The following PAK1IP1 variants were observed in gnomAD, a reference collection of about 807,000 sequenced individuals.
PAK1IP1 encodes p21-activated protein kinase-interacting protein 1.
Under a neutral mutation model 42.0 loss-of-function variants are expected in PAK1IP1, and 24 were observed. The observed-to-expected ratio is 0.57, with a 90% CI of 0.41 to 0.80. The LOEUF (loss-of-function observed/expected upper bound fraction) is 0.80, where lower values mean the gene tolerates loss of function less well. Ranked by LOEUF, PAK1IP1 falls within the 30% of genes least tolerant of loss-of-function variation. The pLI is 0.00. For missense variants in PAK1IP1, 411 were observed against 467.9 expected, an observed-to-expected ratio of 0.88 and a Z score of 1.12; for synonymous variants, 154 against 156.7, an observed-to-expected ratio of 0.98 and a Z score of 0.13.
intron 4 of PAK1IP1, among the ~76,000 whole-genome samples, chr6:10,703,063 C>T (rs1770086309): frequency 6.6e-6 from 1 of 152,158 alleles, no homozygotes. Context: ...CCTCAGCCTC[C>T]GAAAGTGCTG....
chr6:10,702,250 A>G, intron 2 of PAK1IP1, 119 bp from the exon 3 acceptor site: 2 of 826,804 alleles, frequency 2.4e-6, no homozygotes, highest in Non-Finnish European at 3.7e-6. Context: ...CAAAAAAAAA[A>G]AAAAGAAAAA....
upstream of PAK1IP1, among the ~76,000 whole-genome samples, chr6:10,691,412 T>G (rs777613173): frequency 2.6e-5 from 4 of 151,912 alleles, no homozygotes; most frequent in East Asian, 1.9e-4. Context: ...GGTACATGAC[T>G]GGGGGGCTGC....
chr6:10,699,368 CT>C (rs1769958320), intron 2 of PAK1IP1, among the ~76,000 whole-genome samples: 1 of 152,050 alleles, frequency 6.6e-6, no homozygotes, highest in Non-Finnish European at 1.5e-5. Context: ...GTCAAGAGTT[CT>C]AACGTGGAAC....
chr6:10,702,374 A>G lies in PAK1IP1; in HGVS notation c.253A>G (p.Ile85Val), dbSNP rs1256283696. 1.9e-6 allele frequency: 3 copies of G among 1,613,752 alleles called. No individual in the cohort carries two copies. The highest frequency in any genetic ancestry group is 1.1e-5 in the South Asian group (1 of 91,072). The part of the protein sequence containing the change: ...HGALVHHSGT[I>V]TCLKFYGNRH... ...CTATTTTGGTTTTTCCATAGGTACA[A>G]TAACTTGCCTGAAATTCTATGGCAA... is the stretch of plus-strand genomic sequence containing the variant. The change falls in exon 3 of 10, where the codon ATA becomes GTA. Residue 85 changes from isoleucine (I) to valine (V), a missense_variant. By Grantham distance (29) the Ile-to-Val change is conservative. Transcript: ENST00000379568.
At chr6:10,696,351 T>C (rs143692493) in intron 1 of PAK1IP1, among the ~76,000 whole-genome samples, 2 of 152,374 alleles carry the variant, frequency 1.3e-5, no homozygotes, top group East Asian at 3.9e-4. Flanking sequence ...GAGTATCTTC[T>C]GTAACTAAGG....
chr6:10,703,327 T>G, intron 4 of PAK1IP1, 78 bp from the exon 5 acceptor site: 1 of 1,009,844 alleles, frequency 9.9e-7, no homozygotes, highest in East Asian at 2.4e-5. Flanking sequence ...GTCACTTAAG[T>G]CTTCATTATG....
chr6:10,699,200 CAAAAAAAAAAA>C lies in PAK1IP1; in HGVS notation c.247+1726_247+1736del, dbSNP rs796680429. 1.2e-3 allele frequency among the ~76,000 whole-genome samples: 68 copies of C among 55,390 alleles called. 1 individual carries two copies. Among genetic ancestry groups the C allele is most frequent in the Middle Eastern group, 8.9e-3 (1 of 112 alleles). The allele number at this position is 55,390 out of a possible 152,430, so 36.3% of individuals were successfully genotyped here. On this transcript the variant is annotated intron_variant, in intron 2 of 9. Coordinates refer to ENST00000379568, the MANE Select transcript of PAK1IP1 (RefSeq NM_017906.3). Reference sequence around the variant, plus strand: ...TAGGCGACAGAGCGAGACTCTGTCTCAAAAAAAAAAAAAAAAAAAAAAGAGGAAAAGAAAAG... The same window carrying C: ...TAGGCGACAGAGCGAGACTCTGTCTCAAAAAAAAAAAGAGGAAAAGAAAAG...
At chr6:10,699,397 A>T (rs1769960385) in intron 2 of PAK1IP1, among the ~76,000 whole-genome samples, 1 of 152,048 alleles carries the variant, frequency 6.6e-6, no homozygotes, top group African/African-American at 2.4e-5. Flanking sequence ...TGTGGTAACG[A>T]TGCCCAGGCT....
chr6:10,704,702 G>A, intron 6 of PAK1IP1, 45 bp from the exon 7 acceptor site: 1 of 1,599,472 alleles, frequency 6.3e-7, no homozygotes, highest in African/African-American at 1.3e-5. Context: ...GGTTGGAACT[G>A]TTGATGACAT....
At chr6:10,693,969 A>G (rs1769599768), upstream of PAK1IP1, among the ~76,000 whole-genome samples, 1 of 152,148 alleles carries the variant, frequency 6.6e-6, no homozygotes. Flanking sequence ...CTCTCAAATG[A>G]AGGCTCTGGC....
chr6:10,699,200 CAAAAAAA>C (rs796680429), intron 2 of PAK1IP1, among the ~76,000 whole-genome samples: 19 of 55,406 alleles, frequency 3.4e-4, no homozygotes, highest in Non-Finnish European at 7.6e-4. Flanking sequence ...GACTCTGTCT[CAAAAAAA>C]AAAAAAAAAA....
rs575480757 is a variant in PAK1IP1, at chr6:10,698,777, T to A, written c.247+1291T>A. On this transcript the variant is annotated intron_variant, in intron 2 of 9. Transcript: ENST00000379568. Reference sequence around the variant, plus strand: ...CAGTTTGCAAGATTTTCTGAGTTTATTCAGTAATAAGCCACAGACATTTCC... The same window carrying A: ...CAGTTTGCAAGATTTTCTGAGTTTAATCAGTAATAAGCCACAGACATTTCC... Among the ~76,000 whole-genome samples the A allele has an allele frequency of 5.9e-5, 9 of 152,342 alleles. 1 individual carries two copies. In the East Asian group the frequency reaches 1.7e-3, roughly 29 times the overall value.
At position 10,702,446 on chromosome 6, in the gene PAK1IP1, G is replaced by A. The variant is rs1360031821; in HGVS notation, c.325G>A (p.Asp109Asn). The A allele has an allele frequency of 4.3e-6, 7 of 1,613,962 alleles. No homozygotes were observed. The highest frequency in any genetic ancestry group is 3.3e-5 in the Admixed American group (2 of 60,012). ...GAEDGLICIW[D>N]AKKWECLKSI... is the part of the protein sequence containing the mutation. ...GGAAGATGGACTCATCTGTATCTGGGATGCAAAGAAATGGGAATGCCTGAA... is the reference window on the plus strand; with the variant it reads ...GGAAGATGGACTCATCTGTATCTGGAATGCAAAGAAATGGGAATGCCTGAA... The change falls in exon 3 of 10, where the codon GAT (aspartate) becomes AAT (asparagine). Residue 109 changes from aspartate (D) to asparagine (N), a missense_variant. Transcript: ENST00000379568.
chr6:10,707,393 G>A, intron 7 of PAK1IP1, 22 bp from the exon 8 acceptor site: 2 of 1,239,210 alleles, frequency 1.6e-6, no homozygotes, highest in Non-Finnish European at 2.4e-6. Flanking sequence ...GATCTTTTAT[G>A]GTGTTAATAT....
chr6:10,697,588 C>A, intron 2 of PAK1IP1, 102 bp downstream of exon 2: 2 of 923,504 alleles, frequency 2.2e-6, no homozygotes, highest in Non-Finnish European at 1.6e-6. Context: ...AGATTCTTTG[C>A]TAGAAGATAG....
At chr6:10,693,881 G>A (rs1382111237), upstream of PAK1IP1, among the ~76,000 whole-genome samples, 2 of 152,084 alleles carry the variant, frequency 1.3e-5, no homozygotes, top group Non-Finnish European at 2.9e-5. Context: ...GGCGGGCGTC[G>A]CCATGCTGGG....
chr6:10,702,372 C>T lies in PAK1IP1; in HGVS notation c.251C>T (p.Thr84Ile), dbSNP rs757532852. ...GCCTATTTTGGTTTTTCCATAGGTA[C>T]AATAACTTGCCTGAAATTCTATGGC... ...EHGALVHHSGTITCLKFYGNR... is the reference protein window; with the variant it reads ...EHGALVHHSGIITCLKFYGNR... Residue 84 changes from threonine (T) to isoleucine (I), a missense_variant, in exon 3 of 10, where the codon ACA (threonine) becomes ATA (isoleucine). Coordinates refer to ENST00000379568, the MANE Select transcript of PAK1IP1 (RefSeq NM_017906.3). 6.2e-7 allele frequency: 1 copy of T among 1,613,248 alleles called. No homozygotes were observed. The highest frequency in any genetic ancestry group is 1.1e-5 in the South Asian group (1 of 91,062).
At position 10,695,079 on chromosome 6, in the gene PAK1IP1, C is replaced by G; in HGVS notation, c.84+10C>G. The G allele has an allele frequency of 6.3e-7, 1 of 1,575,454 alleles. No homozygotes were observed. Among genetic ancestry groups the G allele is most frequent in the Non-Finnish European group, 8.6e-7 (1 of 1,156,516 alleles). On this transcript the variant is annotated intron_variant, in intron 1 of 9. Transcript: ENST00000379568. ...TTGCGGCGACCACGAGGTGAGATAC[C>G]GCGTAGTTAGAGACAGTCGGAGGCG...
chr6:10,691,248 T>C (rs1188392137), upstream of PAK1IP1, among the ~76,000 whole-genome samples: 1 of 152,000 alleles, frequency 6.6e-6, no homozygotes, highest in Non-Finnish European at 1.5e-5. Context: ...AGCCAGCGAG[T>C]TTAAGAAAGA....
Sources: gnomAD v4.1 joint callset for allele counts (sites outside exome capture counted in the v4.1 genomes callset) on GRCh38, gnomAD v4.1.1 for gene constraint, MANE v1.5 for transcripts, NCBI Gene and HGNC (gene_info 2026-07-23, HGNC 2026-07-21) for gene names.